The following TBL1X variants were observed in gnomAD, a reference collection of about 807,000 sequenced individuals.
TBL1X encodes transducin beta like 1 X-linked, also known as F-box-like/WD repeat-containing protein TBL1X.
TBL1X carries 10 observed loss-of-function variants against 50.7 expected under a neutral mutation model. That is an observed-to-expected ratio of 0.20 (90% CI 0.12 to 0.33). The LOEUF (loss-of-function observed/expected upper bound fraction) is 0.33. TBL1X is among the 10% of genes least tolerant of loss of function. The pLI is 1.00. For synonymous variants in TBL1X, 190 were observed against 214.7 expected, an observed-to-expected ratio of 0.88 and a Z score of 1.01; for missense variants, 340 against 504.4, an observed-to-expected ratio of 0.67 and a Z score of 3.12.
intron 2 of TBL1X, among the ~76,000 whole-genome samples, chrX:9,609,336 GGTGTGTGTGTGT>G (rs775969638): frequency 4.2e-5 from 4 of 94,774 alleles, no homozygotes; most frequent in Admixed American, 2.3e-4. Context: ...TTTTCTTCCA[GGTGTGTGTGTGT>G]GTGTGTGTGT....
At chrX:9,593,619 G>C (rs1270870988) in intron 2 of TBL1X, among the ~76,000 whole-genome samples, 1 of 110,154 alleles carries the variant, frequency 9.1e-6, no homozygotes, top group Non-Finnish European at 1.9e-5. Context: ...AGGGGATGAG[G>C]AGGCTGGGTA....
At chrX:9,573,812 G>A in intron 2 of TBL1X, among the ~76,000 whole-genome samples, 1 of 112,845 alleles carries the variant, frequency 8.9e-6, no homozygotes, top group African/African-American at 3.2e-5. Flanking sequence ...GGCATGGGCC[G>A]GGGCACGCTG....
At chrX:9,478,127 C>T (rs769970012) in intron 1 of TBL1X, among the ~76,000 whole-genome samples, 1 of 111,757 alleles carries the variant, frequency 8.9e-6, no homozygotes, top group Non-Finnish European at 1.9e-5. Flanking sequence ...AAATGTGAAA[C>T]TCTGTAGGAA....
chrX:9,660,980 C>T lies in TBL1X; in HGVS notation c.211+6658C>T, dbSNP rs747484377. 1.2e-4 allele frequency among the ~76,000 whole-genome samples: 13 copies of T among 112,132 alleles called. No individual in the cohort carries two copies. In the East Asian group the frequency reaches 3.4e-3, roughly 29 times the overall value. ...TTGCCCCTTCTACCATGTGGGAACA[C>T]GGTGAGAAGGCACCATCTATGAATC... is the stretch of plus-strand genomic sequence containing the variant. On this transcript the variant is annotated intron_variant, in intron 5 of 17. Transcript: ENST00000645353.
At chrX:9,661,051 G>A (rs774215276) in intron 5 of TBL1X, among the ~76,000 whole-genome samples, 4 of 111,950 alleles carry the variant, frequency 3.6e-5, no homozygotes, top group Non-Finnish European at 7.5e-5. Flanking sequence ...CATGTTGATC[G>A]TGGACTCCCA....
At chrX:9,582,947 A>G (rs1217149169) in intron 2 of TBL1X, among the ~76,000 whole-genome samples, 1 of 112,802 alleles carries the variant, frequency 8.9e-6, no homozygotes, top group East Asian at 2.8e-4. Flanking sequence ...AATTTAAAGC[A>G]GATCTCAGAC....
At chrX:9,640,631 TTTTG>T (rs1418127806) in intron 3 of TBL1X, among the ~76,000 whole-genome samples, 4 of 105,276 alleles carry the variant, frequency 3.8e-5, no homozygotes, top group African/African-American at 1.0e-4. Flanking sequence ...TTTGTTTTGT[TTTTG>T]TTTGTTTGTT....
chrX:9,550,493 C>T (rs1331951797), intron 2 of TBL1X, among the ~76,000 whole-genome samples: 1 of 111,637 alleles, frequency 9.0e-6, no homozygotes, highest in African/African-American at 3.3e-5. Context: ...GTAAAGCTCC[C>T]GAAAGAAAGC....
At chrX:9,498,840 A>G (rs1233402586) in intron 1 of TBL1X, among the ~76,000 whole-genome samples, 1 of 111,975 alleles carries the variant, frequency 8.9e-6, no homozygotes, top group Non-Finnish European at 1.9e-5. Flanking sequence ...CAGTGCTGAG[A>G]TCTGAGCCCA....
At chrX:9,682,936 C>T (rs942901838) in intron 5 of TBL1X, among the ~76,000 whole-genome samples, 3 of 111,986 alleles carry the variant, frequency 2.7e-5, no homozygotes, top group Non-Finnish European at 5.6e-5. Flanking sequence ...GTGTCCACCC[C>T]ACCTGTTGCC....
At chrX:9,526,827 C>T (rs932823919) in intron 2 of TBL1X, among the ~76,000 whole-genome samples, 2 of 111,908 alleles carry the variant, frequency 1.8e-5, no homozygotes, top group Non-Finnish European at 3.8e-5. Context: ...CAGAGGTAGT[C>T]GCGTTGGGGA....
intron 1 of TBL1X, among the ~76,000 whole-genome samples, chrX:9,480,757 A>ACCCCCCC (rs60470790): frequency 6.4e-5 from 3 of 46,902 alleles, no homozygotes; most frequent in Admixed American, 2.9e-4. Flanking sequence ...AAATTAAGCC[A>ACCCCCCC]CCCCCCCCCC....
intron 1 of TBL1X, among the ~76,000 whole-genome samples, chrX:9,500,418 A>C (rs2081995118): frequency 9.0e-6 from 1 of 110,811 alleles, no homozygotes; most frequent in Non-Finnish European, 1.9e-5. Flanking sequence ...AACATGGTGA[A>C]ACCCCGTCTC....
At chrX:9,464,617 A>T (rs2081757540), upstream of TBL1X, among the ~76,000 whole-genome samples, 1 of 110,678 alleles carries the variant, frequency 9.0e-6, no homozygotes, top group African/African-American at 3.3e-5. Flanking sequence ...CCTGCCCCCT[A>T]GAAACTGAGG....
intron 2 of TBL1X, among the ~76,000 whole-genome samples, chrX:9,530,693 A>G (rs2082155704): frequency 8.9e-6 from 1 of 112,691 alleles, no homozygotes; most frequent in Non-Finnish European, 1.9e-5. Context: ...TTAAGAAACT[A>G]TACTTATCTT....
rs977262348 is a variant in TBL1X at position 9,493,488 on chromosome X, G to A, written c.-200-8292G>A. The stretch of plus-strand genomic sequence containing the variant: ...CAAAGGACACCCATGTAGGCTGGAC[G>A]TGATGGCTCATGCCTATAACCCAAG... On this transcript the variant is annotated intron_variant, in intron 1 of 17. Transcript: ENST00000645353. Among the ~76,000 whole-genome samples the A allele has an allele frequency of 5.3e-5, 6 of 112,162 alleles. No individual in the cohort carries two copies. The East Asian group carries it at 8.4e-4, about 16-fold the overall frequency.
chrX:9,507,711 C>T (rs906323806), intron 2 of TBL1X, among the ~76,000 whole-genome samples: 1 of 112,018 alleles, frequency 8.9e-6, no homozygotes, highest in Non-Finnish European at 1.9e-5. Context: ...GTTACATTAA[C>T]AAAAACAGCA....
rs755416607 is a variant in TBL1X at position 9,512,677 on chromosome X, TTGGTAGAGA to T, written c.-131+10832_-131+10840del. On this transcript the variant is annotated intron_variant, in intron 2 of 17. Coordinates refer to ENST00000645353, the MANE Select transcript of TBL1X (RefSeq NM_005647.4). ...CACGCCTGGCTAATTTTTTGTAGTT[TTGGTAGAGA>T]TGGGGTTTCACCACGTTGGCCAGGC... Among the ~76,000 whole-genome samples, 322 of 110,431 alleles carry T rather than the reference TTGGTAGAGA, an allele frequency of 2.9e-3. 2 individuals are homozygous for T. The highest frequency in any genetic ancestry group is 0.01 in the African/African-American group (310 of 30,347).
At chrX:9,487,006 G>A (rs1272770432) in intron 1 of TBL1X, among the ~76,000 whole-genome samples, 1 of 111,858 alleles carries the variant, frequency 8.9e-6, no homozygotes, top group Non-Finnish European at 1.9e-5. Flanking sequence ...CTTCACTCAG[G>A]AGAAGTCGTG....
Sources: allele counts gnomAD v4.1 joint callset (sites outside exome capture counted in the v4.1 genomes callset), GRCh38; gene constraint gnomAD v4.1.1; transcripts MANE v1.5; gene names NCBI Gene and HGNC (gene_info 2026-07-23, HGNC 2026-07-21).